Variants in KCNIP1 observed in about 807,000 individuals in gnomAD.
The protein encoded by KCNIP1 is A-type potassium channel modulatory protein KCNIP1.
Under a neutral mutation model 33.0 loss-of-function variants are expected in KCNIP1, and 18 were observed. The observed-to-expected ratio is 0.55, with a 90% CI of 0.38 to 0.81. KCNIP1 has a LOEUF of 0.81. KCNIP1 is among the 30% of genes least tolerant of loss of function. The pLI is 0.00. For synonymous variants in KCNIP1, 93 were observed against 98.3 expected, an observed-to-expected ratio of 0.95 and a Z score of 0.32; for missense variants, 238 against 271.6, an observed-to-expected ratio of 0.88 and a Z score of 0.87.
intron 1 of KCNIP1, among the ~76,000 whole-genome samples, chr5:170,586,674 C>T (rs1758001864): frequency 6.6e-6 from 1 of 152,224 alleles, no homozygotes; most frequent in Non-Finnish European, 1.5e-5. Flanking sequence ...AAGTGCTTAG[C>T]ACAGTACTTG....
chr5:170,456,701 T>TCTCTCTCTTTCTTTCTTTCTTTCTTTC (rs1756385710), intron 1 of KCNIP1, among the ~76,000 whole-genome samples: 2 of 135,774 alleles, frequency 1.5e-5, no homozygotes, highest in African/African-American at 6.0e-5. Flanking sequence ...CTCTCTCTCT[T>TCTCTCTCTTTCTTTCTTTCTTTCTTTC]TTTCTTTCTT....
intron 1 of KCNIP1, among the ~76,000 whole-genome samples, chr5:170,615,681 A>G (rs1759340842): frequency 6.6e-6 from 1 of 152,188 alleles, no homozygotes; most frequent in Non-Finnish European, 1.5e-5. Flanking sequence ...TACAGGCTCT[A>G]AGCCCAGCTG....
intron 1 of KCNIP1, among the ~76,000 whole-genome samples, chr5:170,404,651 C>A (rs1157694908): frequency 6.6e-6 from 1 of 152,142 alleles, no homozygotes; most frequent in Non-Finnish European, 1.5e-5. Context: ...GCAGAAGCTG[C>A]AAGTCCTCTA....
At chr5:170,702,322 G>A (rs182534452) in intron 1 of KCNIP1, among the ~76,000 whole-genome samples, 4 of 152,322 alleles carry the variant, frequency 2.6e-5, no homozygotes, top group South Asian at 2.1e-4. Context: ...TCCAGTGTGC[G>A]GCCTTGGATG....
intron 5 of KCNIP1, among the ~76,000 whole-genome samples, chr5:170,729,375 T>C (rs1764117579): frequency 6.6e-6 from 1 of 152,084 alleles, no homozygotes; most frequent in South Asian, 2.1e-4. Context: ...TATTCCTCAG[T>C]AGACATTCAT....
intron 1 of KCNIP1, among the ~76,000 whole-genome samples, chr5:170,579,440 G>A (rs1281572193): frequency 6.6e-6 from 1 of 152,148 alleles, no homozygotes; most frequent in South Asian, 2.1e-4. Context: ...AACAGCCACA[G>A]GCAGGCCAGA....
chr5:170,660,025 G>T (rs901831804), intron 1 of KCNIP1, among the ~76,000 whole-genome samples: 3 of 152,080 alleles, frequency 2.0e-5, no homozygotes, highest in African/African-American at 7.2e-5. Flanking sequence ...GAGGTGGGAG[G>T]AGCATGAAGA....
At chr5:170,552,877 C>T (rs370827691) in intron 1 of KCNIP1, among the ~76,000 whole-genome samples, 2 of 152,282 alleles carry the variant, frequency 1.3e-5, no homozygotes, top group East Asian at 3.9e-4. Flanking sequence ...GGCCAGCTGA[C>T]GCTGACGATG....
chr5:170,631,133 A>G (rs1249218891), intron 1 of KCNIP1, among the ~76,000 whole-genome samples: 1 of 152,182 alleles, frequency 6.6e-6, no homozygotes, highest in Non-Finnish European at 1.5e-5. Context: ...ACTCAGCTTC[A>G]CAAAACAATG....
chr5:170,570,077 C>T (rs574708167), intron 1 of KCNIP1, among the ~76,000 whole-genome samples: 147 of 152,338 alleles, frequency 9.6e-4, no homozygotes, highest in African/African-American at 3.4e-3. Context: ...TCTACGATGT[C>T]GTACGTGGCA....
At chr5:170,674,006 G>A (rs1239204233) in intron 1 of KCNIP1, among the ~76,000 whole-genome samples, 1 of 152,074 alleles carries the variant, frequency 6.6e-6, no homozygotes, top group Non-Finnish European at 1.5e-5. Context: ...GCTAAAGCAG[G>A]TTGTCTCCAT....
chr5:170,499,204 T>G (rs917040206), upstream of KCNIP1, among the ~76,000 whole-genome samples: 33 of 152,316 alleles, frequency 2.2e-4, no homozygotes, highest in African/African-American at 7.0e-4. Flanking sequence ...ATCTGAGTCT[T>G]TTAATACCAG....
chr5:170,633,752 CGGGGCGGA>C (rs1333969268), intron 1 of KCNIP1, among the ~76,000 whole-genome samples: 2 of 2,282 alleles, frequency 8.8e-4, no homozygotes, highest in Non-Finnish European at 2.3e-3. Flanking sequence ...GGGCGGGGGG[CGGGGCGGA>C]GGGGGGATGG....
chr5:170,622,935 G>A lies in KCNIP1; in HGVS notation c.62-95823G>A, dbSNP rs1759663811. The stretch of plus-strand genomic sequence containing the variant: ...AAGACAATTTTTCCACGGACAGGGT[G>A]TGTGGGGTGGGAGATGGTTTCAGGA... On this transcript the variant is annotated intron_variant, in intron 1 of 7. Coordinates refer to ENST00000328939, the MANE Select transcript of KCNIP1 (RefSeq NM_014592.4). Among the ~76,000 whole-genome samples, 8 of 152,364 alleles carry A rather than the reference G, an allele frequency of 5.3e-5. 1 individual carries two copies. The South Asian group carries it at 1.7e-3, about 32-fold the overall frequency.
intron 1 of KCNIP1, among the ~76,000 whole-genome samples, chr5:170,395,929 G>T (rs1313038663): frequency 1.3e-5 from 2 of 152,194 alleles, no homozygotes; most frequent in African/African-American, 4.8e-5. Flanking sequence ...GTGAATCGGT[G>T]TCCCTAGGTG....
intron 1 of KCNIP1, among the ~76,000 whole-genome samples, chr5:170,428,000 C>T (rs1243366821): frequency 1.3e-5 from 2 of 152,226 alleles, no homozygotes; most frequent in South Asian, 2.1e-4. Flanking sequence ...TCCAGAATGC[C>T]TTCCTCTCTC....
At chr5:170,500,153 T>G (rs980211989), upstream of KCNIP1, among the ~76,000 whole-genome samples, 7 of 152,208 alleles carry the variant, frequency 4.6e-5, no homozygotes, top group African/African-American at 1.7e-4. Flanking sequence ...GGTATCTTTG[T>G]GCGTGGGGGG....
At chr5:170,695,456 A>G (rs1309310835) in intron 1 of KCNIP1, among the ~76,000 whole-genome samples, 1 of 152,232 alleles carries the variant, frequency 6.6e-6, no homozygotes, top group African/African-American at 2.4e-5. Flanking sequence ...ATTACTCCCC[A>G]AAGGTAACTG....
Position 170,636,927 on chromosome 5 carries a change from G to A in KCNIP1, c.62-81831G>A, listed in dbSNP as rs1488475428. Among the ~76,000 whole-genome samples the A allele has an allele frequency of 2.6e-5, 4 of 152,104 alleles. No individual in the cohort carries two copies. The East Asian group carries it at 7.7e-4, about 29-fold the overall frequency. On this transcript the variant is annotated intron_variant, in intron 1 of 7. Coordinates refer to ENST00000328939, the MANE Select transcript of KCNIP1 (RefSeq NM_014592.4). ...CTCAAGGTCATGGCTTCTAAGTGGT[G>A]GAGCCAGGCCTGCAAACCAGGCTGT...
Sources: allele counts gnomAD v4.1 joint callset (sites outside exome capture counted in the v4.1 genomes callset), GRCh38; gene constraint gnomAD v4.1.1; transcripts MANE v1.5; gene names NCBI Gene and HGNC (gene_info 2026-07-23, HGNC 2026-07-21).